SPIN1: variants seen among roughly 807,000 people sequenced by gnomAD.
The protein encoded by SPIN1 is spindlin-1.
SPIN1 carries 3 observed loss-of-function variants against 26.0 expected under a neutral mutation model. That is an observed-to-expected ratio of 0.12 (90% CI 0.05 to 0.30). The LOEUF (loss-of-function observed/expected upper bound fraction) is 0.30. SPIN1 is among the 10% of genes least tolerant of loss of function. The pLI, the probability that SPIN1 is intolerant of heterozygous loss-of-function variation, is 1.00. For synonymous variants in SPIN1, 101 were observed against 116.5 expected, an observed-to-expected ratio of 0.87 and a Z score of 0.86; for missense variants, 126 against 333.4, an observed-to-expected ratio of 0.38 and a Z score of 4.84.
rs189140139 is a variant in SPIN1, at chr9:88,407,368, C to T, written c.-159+18830C>T. ...CCATATTGCCCAGGCTGGTCTTGAA[C>T]TGCTGATCCCTAGTGATCCATCTGC... is the stretch of plus-strand genomic sequence containing the variant. On this transcript the variant is annotated intron_variant, in intron 1 of 5. Coordinates refer to ENST00000375859, the MANE Select transcript of SPIN1 (RefSeq NM_006717.3). Among the ~76,000 whole-genome samples the T allele has an allele frequency of 3.3e-3, 503 of 152,040 alleles. 4 individuals carry two copies. The highest frequency in any genetic ancestry group is 0.011 in the African/African-American group (466 of 41,524).
At position 88,475,041 on chromosome 9, in the gene SPIN1, C is replaced by CGAT. The variant is rs921557535; in HGVS notation, c.590-37_590-36insGAT. The stretch of plus-strand genomic sequence containing the variant: ...AAAAATTGACTTAGAAATTTTCTCT[C>CGAT]TCTCTCTTTTTTTTTTTTTTTTTTT... On this transcript the variant is annotated intron_variant, in intron 5 of 5. Transcript: ENST00000375859. 3 of 1,346,364 alleles carry CGAT rather than the reference C, an allele frequency of 2.2e-6. No homozygotes were observed. In the African/African-American group the frequency reaches 6.3e-5, roughly 28 times the overall value. 83.4% of individuals were successfully genotyped at this position (1,346,364 alleles called of 1,614,324 possible). A position where few individuals can be genotyped will look rare whatever the true frequency, so the allele number is the denominator to read the frequency against.
chr9:88,410,403 C>T (rs1195426275), intron 1 of SPIN1: 2 of 560,784 alleles, frequency 3.6e-6, no homozygotes, highest in East Asian at 3.8e-5. Flanking sequence ...TTGTCTAAAA[C>T]ATGTCTTCTT....
chr9:88,434,397 T>C (rs1023706151), intron 2 of SPIN1, among the ~76,000 whole-genome samples: 4 of 142,582 alleles, frequency 2.8e-5, no homozygotes, highest in African/African-American at 1.1e-4. Flanking sequence ...AAATAGTTTA[T>C]TTTATAAATT....
chr9:88,421,010 A>C (rs184723091), intron 1 of SPIN1, among the ~76,000 whole-genome samples: 34 of 152,330 alleles, frequency 2.2e-4, no homozygotes, highest in African/African-American at 7.9e-4. Context: ...TGGATTCTAG[A>C]ATCGTAAATA....
At chr9:88,396,316 G>A (rs1391123879) in intron 1 of SPIN1, among the ~76,000 whole-genome samples, 1 of 151,914 alleles carries the variant, frequency 6.6e-6, no homozygotes, top group African/African-American at 2.4e-5. Flanking sequence ...ATGGTGGCCA[G>A]GTGGGTGCGG....
chr9:88,429,362 C>T (rs1000804868), intron 2 of SPIN1, among the ~76,000 whole-genome samples: 1 of 152,034 alleles, frequency 6.6e-6, no homozygotes, highest in African/African-American at 2.4e-5. Context: ...CCCATAAGAC[C>T]GCTGCTTGCT....
chr9:88,437,053 C>T (rs1225053719), intron 2 of SPIN1, among the ~76,000 whole-genome samples: 1 of 151,960 alleles, frequency 6.6e-6, no homozygotes, highest in Admixed American at 6.6e-5. Flanking sequence ...GCGTGAGCCA[C>T]CGCGCCCGGC....
intron 1 of SPIN1, among the ~76,000 whole-genome samples, chr9:88,403,613 A>G (rs1478394711): frequency 2.0e-5 from 3 of 152,138 alleles, no homozygotes; most frequent in East Asian, 3.9e-4. Flanking sequence ...CGGGAGGGTA[A>G]TGTGGGTGGA....
At chr9:88,469,124 G>T (rs1828725957) in intron 5 of SPIN1, among the ~76,000 whole-genome samples, 1 of 152,178 alleles carries the variant, frequency 6.6e-6, no homozygotes, top group African/African-American at 2.4e-5. Flanking sequence ...TGGGGGTTGG[G>T]TGTGGATATG....
In SPIN1 at chr9:88,431,358, T is replaced by C. The variant is rs1827866364; in HGVS notation, c.52+4767T>C. ...TGGGCTGGAATGCAGTGGCATGATC[T>C]CGGCTCATTGCAACCTCCGCCTCCT... is the stretch of plus-strand genomic sequence containing the variant. On this transcript the variant is annotated intron_variant, in intron 2 of 5. Transcript: ENST00000375859. Among the ~76,000 whole-genome samples the C allele has an allele frequency of 2.6e-5, 4 of 151,516 alleles. No homozygotes were observed. In the South Asian group the frequency reaches 6.3e-4, roughly 24 times the overall value.
intron 1 of SPIN1, among the ~76,000 whole-genome samples, chr9:88,397,666 G>C: frequency 6.6e-6 from 1 of 151,704 alleles, no homozygotes; most frequent in Admixed American, 6.6e-5. Context: ...CTGTCTCCCA[G>C]GCTGGAGTGC....
chr9:88,462,816 A>G, intron 4 of SPIN1, 67 bp downstream of exon 4: 1 of 1,457,624 alleles, frequency 6.9e-7, no homozygotes, highest in Non-Finnish European at 9.2e-7. Flanking sequence ...TGCTTTTTTT[A>G]TTTTACATTA....
intron 5 of SPIN1, among the ~76,000 whole-genome samples, chr9:88,471,654 CAAAAAAAAAAAAAAA>C (rs1166469042): frequency 1.7e-5 from 1 of 59,748 alleles, no homozygotes; most frequent in African/African-American, 6.8e-5. Context: ...GACTCTGTCT[CAAAAAAAAAAAAAAA>C]AAAAAAAAAA....
At chr9:88,408,376 CTT>C (rs1177261349) in intron 1 of SPIN1, among the ~76,000 whole-genome samples, 449 of 115,324 alleles carry the variant, frequency 3.9e-3, no homozygotes, top group African/African-American at 0.013. Flanking sequence ...TCCTTTTTTT[CTT>C]TTTTTTTTTT....
chr9:88,473,399 G>GA (rs111552287), intron 5 of SPIN1, among the ~76,000 whole-genome samples: 35,660 of 148,624 alleles, frequency 0.24, 6,577 homozygotes, highest in African/African-American at 0.52. Flanking sequence ...GTCTCAAAAA[G>GA]AAAAAAAAAA....
chr9:88,389,846 C>T (rs1040072943), intron 1 of SPIN1, among the ~76,000 whole-genome samples: 2 of 152,048 alleles, frequency 1.3e-5, no homozygotes, highest in African/African-American at 4.8e-5. Context: ...CCTGGATATA[C>T]TGAGTTTTTT....
intron 1 of SPIN1, among the ~76,000 whole-genome samples, chr9:88,414,137 G>A (rs1180166950): frequency 6.6e-6 from 1 of 152,158 alleles, no homozygotes; most frequent in Admixed American, 6.5e-5. Context: ...TGGAGACAGG[G>A]TATTAACCGG....
rs969336501 is a variant in SPIN1, at chr9:88,472,969, C to T, written c.590-2109C>T. ...CTTGGACAGATGTAACTGGTAGGCC[C>T]TCTCCATACATTAGCCATGCGTCAG... On this transcript the variant is annotated intron_variant, in intron 5 of 5. Coordinates refer to ENST00000375859, the MANE Select transcript of SPIN1 (RefSeq NM_006717.3). Among the ~76,000 whole-genome samples, 9 of 152,306 alleles carry T rather than the reference C, an allele frequency of 5.9e-5. No homozygotes were observed. In the South Asian group the frequency reaches 1.9e-3, roughly 32 times the overall value.
At chr9:88,401,817 A>G (rs190631085) in intron 1 of SPIN1, among the ~76,000 whole-genome samples, 1 of 152,188 alleles carries the variant, frequency 6.6e-6, no homozygotes, top group African/African-American at 2.4e-5. Context: ...TTGAGATGTT[A>G]TGTGTCTGTT....
Sources: gnomAD v4.1 joint callset for allele counts (sites outside exome capture counted in the v4.1 genomes callset) on GRCh38, gnomAD v4.1.1 for gene constraint, MANE v1.5 for transcripts, NCBI Gene and HGNC (gene_info 2026-07-23, HGNC 2026-07-21) for gene names.